PPARGC1A: variants seen among roughly 807,000 people sequenced by gnomAD.
PPARGC1A encodes the protein peroxisome proliferator-activated receptor gamma coactivator 1-alpha.
Under a neutral mutation model 88.7 loss-of-function variants are expected in PPARGC1A, and 25 were observed. That is an observed-to-expected ratio of 0.28 (90% CI 0.21 to 0.39). PPARGC1A has a LOEUF of 0.39. Ranked by LOEUF, PPARGC1A falls within the 10% of genes least tolerant of loss-of-function variation. PPARGC1A has a pLI of 1.00. For synonymous variants in PPARGC1A, 363 were observed against 355.6 expected, an observed-to-expected ratio of 1.02 and a Z score of -0.24; for missense variants, 880 against 968.7, an observed-to-expected ratio of 0.91 and a Z score of 1.22.
At position 23,889,798 on chromosome 4, in the gene PPARGC1A, T is replaced by C. The variant is rs182092291; in HGVS notation, c.54+106A>G. On this transcript the variant is annotated intron_variant, in intron 1 of 12. Transcript: ENST00000264867. ...TTCTAAAAGCTCCTGCCTGGACTAC[T>C]TTCCTGGCTCCTCTCTTTGCCCAAG... is the stretch of plus-strand genomic sequence containing the variant. 1.3e-5 allele frequency: 18 copies of C among 1,372,742 alleles called. No individual in the cohort carries two copies. In the African/African-American group the frequency reaches 1.9e-4, roughly 14 times the overall value. The allele number at this position is 1,372,742 out of a possible 1,614,324, so 85.0% of individuals were successfully genotyped here. A position where few individuals can be genotyped will look rare whatever the true frequency, so the allele number is the denominator to read the frequency against.
the PPARGC1A span, among the ~76,000 whole-genome samples, chr4:23,926,848 A>G: frequency 2.0e-5 from 3 of 152,196 alleles, no homozygotes; most frequent in African/African-American, 4.8e-5. Flanking sequence ...TATAATCGCT[A>G]GTTTATGCAT....
the PPARGC1A span, among the ~76,000 whole-genome samples, chr4:24,169,385 A>C: frequency 6.6e-6 from 1 of 152,156 alleles, no homozygotes; most frequent in Non-Finnish European, 1.5e-5. Flanking sequence ...CAGAAATTCG[A>C]ATCAAGCATG....
the PPARGC1A span, among the ~76,000 whole-genome samples, chr4:24,056,429 AG>A: frequency 6.6e-6 from 1 of 152,232 alleles, no homozygotes; most frequent in Non-Finnish European, 1.5e-5. Flanking sequence ...AGAATAATAA[AG>A]GAAGAATGTC....
intron 2 of PPARGC1A, among the ~76,000 whole-genome samples, chr4:23,837,809 G>T (rs1166000084): frequency 6.6e-6 from 1 of 152,110 alleles, no homozygotes; most frequent in Non-Finnish European, 1.5e-5. Flanking sequence ...ATAGATTCAG[G>T]AGTTCAAATA....
chr4:24,156,447 T>C, the PPARGC1A span, among the ~76,000 whole-genome samples: 4 of 152,116 alleles, frequency 2.6e-5, no homozygotes, highest in African/African-American at 4.8e-5. Flanking sequence ...AAGCTTGAAA[T>C]GTATTCCATT....
At chr4:24,471,778 C>A in the PPARGC1A span, among the ~76,000 whole-genome samples, 1 of 152,258 alleles carries the variant, frequency 6.6e-6, no homozygotes, top group Non-Finnish European at 1.5e-5. The surrounding 1 kb of genome is among the most constrained non-coding windows in gnomAD (Gnocchi z 5.4). Context: ...TGCTTCTGTG[C>A]CCCAGGGGAG....
At chr4:24,362,929 C>T in the PPARGC1A span, among the ~76,000 whole-genome samples, 1 of 152,164 alleles carries the variant, frequency 6.6e-6, no homozygotes. Flanking sequence ...TCCTAAAACT[C>T]GTTGAAACAG....
intron 2 of PPARGC1A, among the ~76,000 whole-genome samples, chr4:23,845,009 A>G (rs1728062317): frequency 6.6e-6 from 1 of 150,960 alleles, no homozygotes. Flanking sequence ...CTGAGGGGGA[A>G]CTTGCAATGA....
the PPARGC1A span, among the ~76,000 whole-genome samples, chr4:23,958,047 C>T: frequency 6.6e-6 from 1 of 151,988 alleles, no homozygotes. Flanking sequence ...AATAGGAAAA[C>T]TGGAGAGAGA....
chr4:24,363,176 C>A, the PPARGC1A span, among the ~76,000 whole-genome samples: 1 of 152,112 alleles, frequency 6.6e-6, no homozygotes, highest in East Asian at 1.9e-4. Context: ...GTATTCAGAG[C>A]ATTTATAAAC....
At chr4:23,829,625 T>C in intron 3 of PPARGC1A, 40 bp from the exon 4 acceptor site, 1 of 1,585,876 alleles carries the variant, frequency 6.3e-7, no homozygotes, top group Non-Finnish European at 8.6e-7. Context: ...CAAGTAAAGT[T>C]ATGCATCTTT....
the PPARGC1A span, among the ~76,000 whole-genome samples, chr4:24,457,615 G>T: frequency 3.9e-5 from 6 of 152,074 alleles, no homozygotes; most frequent in African/African-American, 1.4e-4. Context: ...GCGCAAACTC[G>T]GGTCACTGCA....
At chr4:24,413,418 A>G in the PPARGC1A span, among the ~76,000 whole-genome samples, 1 of 152,232 alleles carries the variant, frequency 6.6e-6, no homozygotes, top group Non-Finnish European at 1.5e-5. Flanking sequence ...GAGTAGATGG[A>G]AAGGGAGATT....
chr4:24,109,369 C>T, the PPARGC1A span, among the ~76,000 whole-genome samples: 4 of 150,560 alleles, frequency 2.7e-5, no homozygotes, highest in Non-Finnish European at 5.9e-5. Context: ...CACCTCTCTC[C>T]ATAAGAATGC....
At chr4:24,442,176 A>G in the PPARGC1A span, among the ~76,000 whole-genome samples, 2 of 152,254 alleles carry the variant, frequency 1.3e-5, no homozygotes, top group Non-Finnish European at 2.9e-5. Flanking sequence ...AATAATGGAA[A>G]AATAAAAGCA....
At chr4:24,093,941 G>GC in the PPARGC1A span, among the ~76,000 whole-genome samples, 1 of 152,094 alleles carries the variant, frequency 6.6e-6, no homozygotes, top group Non-Finnish European at 1.5e-5. Context: ...CTGCTTCCAA[G>GC]CCCACAGCAA....
At chr4:24,341,031 C>T in the PPARGC1A span, among the ~76,000 whole-genome samples, 1 of 152,012 alleles carries the variant, frequency 6.6e-6, no homozygotes, top group Non-Finnish European at 1.5e-5. Context: ...CTGAAACACC[C>T]AAGAACTTTC....
chr4:24,035,124 G>A, the PPARGC1A span, among the ~76,000 whole-genome samples: 1 of 152,172 alleles, frequency 6.6e-6, no homozygotes, highest in Non-Finnish European at 1.5e-5. Context: ...TAGTATATGT[G>A]TGGCAAACAC....
At chr4:24,367,833 G>GT in the PPARGC1A span, among the ~76,000 whole-genome samples, 1 of 152,102 alleles carries the variant, frequency 6.6e-6, no homozygotes, top group Non-Finnish European at 1.5e-5. Flanking sequence ...GTGGTGTTTT[G>GT]TAACAAGACA....
Sources: allele counts gnomAD v4.1 joint callset (sites outside exome capture counted in the v4.1 genomes callset), GRCh38; gene constraint gnomAD v4.1.1; non-coding constraint Gnocchi (gnomAD v3.1); transcripts MANE v1.5; gene names NCBI Gene and HGNC (gene_info 2026-07-23, HGNC 2026-07-21).